Variants in CACNA1C observed in about 807,000 individuals in gnomAD.
The protein encoded by CACNA1C is calcium voltage-gated channel subunit alpha1 C.
A neutral mutation model predicts 229.0 loss-of-function variants in CACNA1C; 30 were observed. That is an observed-to-expected ratio of 0.13 (90% CI 0.10 to 0.18). The LOEUF (loss-of-function observed/expected upper bound fraction) is 0.18. Among genes scored for constraint, CACNA1C ranks in the 10% least tolerant of loss-of-function variants. The probability of loss-of-function intolerance (pLI) is 1.00; values close to 1 mark genes in which losing one functional copy is unlikely to be tolerated. For missense variants in CACNA1C, 1,658 were observed against 2,845.0 expected (o/e 0.58, Z 9.49); for synonymous variants, 1,114 against 1,132.5 (o/e 0.98, Z 0.33).
intron 1 of CACNA1C, among the ~76,000 whole-genome samples, chr12:2,016,531 G>T (rs2154485468): frequency 6.6e-6 from 1 of 152,238 alleles, no homozygotes; most frequent in African/African-American, 2.4e-5. Flanking sequence ...CCGGGGTCAA[G>T]CAATTCTCCT....
chr12:2,687,281 G>A (rs1043353318), intron 45 of CACNA1C, among the ~76,000 whole-genome samples: 7 of 152,284 alleles, frequency 4.6e-5, no homozygotes, highest in African/African-American at 1.4e-4. Context: ...TCTAGAAGTC[G>A]ATTTCACCTA....
chr12:2,495,457 A>C (rs570870241), intron 7 of CACNA1C, among the ~76,000 whole-genome samples: 4 of 152,296 alleles, frequency 2.6e-5, no homozygotes, highest in Admixed American at 2.6e-4. Flanking sequence ...GAGGGTAGGA[A>C]TAGATATGAC....
rs1348982678 is a variant in CACNA1C, at chr12:2,479,263, G to A, written c.758-6841G>A. Among the ~76,000 whole-genome samples the A allele has an allele frequency of 6.6e-6, 1 of 152,094 alleles. No homozygotes were observed. The highest frequency in any genetic ancestry group is 6.5e-5 in the Admixed American group (1 of 15,278). On this transcript the variant is annotated intron_variant, in intron 5 of 46. Coordinates refer to ENST00000399655, the MANE Select transcript of CACNA1C (RefSeq NM_000719.7). The surrounding 1 kb of genome is among the most constrained non-coding windows in gnomAD (Gnocchi z 4.3). ...AGGGTCTTGTTCTGTCACCCAGGCT[G>A]GAGTGCAGTAGTATGATCATAGTTC...
chr12:2,458,197 C>T (rs1333719440), intron 5 of CACNA1C, among the ~76,000 whole-genome samples: 2 of 152,232 alleles, frequency 1.3e-5, no homozygotes, highest in African/African-American at 4.8e-5. Flanking sequence ...TCAAATGGGG[C>T]AGCCCAGGCC....
intron 3 of CACNA1C, among the ~76,000 whole-genome samples, chr12:2,265,383 T>C (rs757782805): frequency 3.3e-5 from 5 of 152,212 alleles, no homozygotes; most frequent in African/African-American, 4.8e-5. Flanking sequence ...CAGAGGTGCT[T>C]GATGCTTCAT....
At chr12:2,598,160 C>T (rs889950610) in intron 21 of CACNA1C, among the ~76,000 whole-genome samples, 10 of 152,110 alleles carry the variant, frequency 6.6e-5, no homozygotes, top group South Asian at 2.1e-4. Flanking sequence ...TTGCCCTGAG[C>T]GTGGGGGAGG....
At chr12:2,302,968 G>C (rs529377289) in intron 3 of CACNA1C, among the ~76,000 whole-genome samples, 1 of 152,200 alleles carries the variant, frequency 6.6e-6, no homozygotes, top group Non-Finnish European at 1.5e-5. Flanking sequence ...CGGGAGGGGG[G>C]CCTGGTAAAT....
intron 3 of CACNA1C, among the ~76,000 whole-genome samples, chr12:2,371,746 T>TA (rs1266026717): frequency 1.5e-5 from 2 of 129,782 alleles, no homozygotes; most frequent in Admixed American, 7.8e-5. Flanking sequence ...TTTTTTTTTT[T>TA]AATCTCGGAC....
intron 3 of CACNA1C, among the ~76,000 whole-genome samples, chr12:2,318,161 C>G (rs941057755): frequency 1.3e-5 from 2 of 152,228 alleles, no homozygotes; most frequent in Non-Finnish European, 2.9e-5. Flanking sequence ...AGTTGACCTT[C>G]CCCTCTGAGA....
At chr12:2,414,951 G>A (rs746466353) in intron 3 of CACNA1C, among the ~76,000 whole-genome samples, 1 of 152,078 alleles carries the variant, frequency 6.6e-6, no homozygotes, top group African/African-American at 2.4e-5. Flanking sequence ...AGGGCTTACC[G>A]CCTCCTGGAG....
intron 4 of CACNA1C, among the ~76,000 whole-genome samples, chr12:2,450,145 T>A (rs1330483306): frequency 6.6e-6 from 1 of 152,164 alleles, no homozygotes. Context: ...CAAAGAATCT[T>A]AAATAAAATG....
intron 3 of CACNA1C, among the ~76,000 whole-genome samples, chr12:2,434,617 T>C (rs2099116755): frequency 6.6e-6 from 1 of 152,200 alleles, no homozygotes. Context: ...AAATTCACTT[T>C]TGTGGATAAA....
chr12:2,262,758 C>T (rs2080815741), intron 3 of CACNA1C, among the ~76,000 whole-genome samples: 1 of 152,192 alleles, frequency 6.6e-6, no homozygotes, highest in African/African-American at 2.4e-5. Flanking sequence ...GGCAGAAGCT[C>T]AGAAACACAC....
rs905372729 is a variant in CACNA1C, at chr12:2,043,756, C to T, written c.140-71468C>T. 3.5e-5 allele frequency among the ~76,000 whole-genome samples: 5 copies of T among 140,934 alleles called. No individual in the cohort carries two copies. The South Asian group carries it at 9.2e-4, about 26-fold the overall frequency. The allele number at this position is 140,934 out of a possible 152,430, so 92.5% of individuals were successfully genotyped here. On this transcript the variant is annotated intron_variant, in intron 1 of 46. Transcript: ENST00000682462. The stretch of plus-strand genomic sequence containing the variant: ...CTGCAAGCTCCGCTTCCCGGGTTCA[C>T]GCCATTCTCCTGCCTCAGCCTCCCC...
intron 4 of CACNA1C, among the ~76,000 whole-genome samples, chr12:2,452,512 A>G (rs1396389083): frequency 2.6e-5 from 4 of 152,056 alleles, no homozygotes; most frequent in Non-Finnish European, 5.9e-5. Flanking sequence ...CTGCCGGACT[A>G]CAGATCTGCC....
intron 18 of CACNA1C, among the ~76,000 whole-genome samples, chr12:2,589,595 C>A (rs2064205343): frequency 6.6e-6 from 1 of 152,204 alleles, no homozygotes; most frequent in Non-Finnish European, 1.5e-5. Flanking sequence ...GGCGCAGGGC[C>A]ATGCGGGAGG....
At chr12:2,489,042 C>G (rs1290130776) in intron 6 of CACNA1C, among the ~76,000 whole-genome samples, 2 of 152,196 alleles carry the variant, frequency 1.3e-5, no homozygotes, top group African/African-American at 4.8e-5. Flanking sequence ...GGCTTTGAAA[C>G]CAACCCCTGA....
chr12:2,648,347 T>C, intron 30 of CACNA1C, 128 bp from the exon 31 acceptor site: 2 of 869,312 alleles, frequency 2.3e-6, no homozygotes, highest in Non-Finnish European at 3.9e-6. Context: ...CGCTTTCACG[T>C]TTCTTTCACT....
chr12:2,508,038 A>G (rs758221401), intron 8 of CACNA1C, among the ~76,000 whole-genome samples: 22 of 152,254 alleles, frequency 1.4e-4, no homozygotes, highest in Admixed American at 1.0e-3. Flanking sequence ...GGAAGCTGCG[A>G]AGGCAACCGC....
Sources: gnomAD v4.1 joint callset for allele counts (sites outside exome capture counted in the v4.1 genomes callset) on GRCh38, gnomAD v4.1.1 for gene constraint, Gnocchi (gnomAD v3.1) non-coding constraint, MANE v1.5 for transcripts, NCBI Gene and HGNC (gene_info 2026-07-23, HGNC 2026-07-21) for gene names.